The following ROBO2 variants were observed in gnomAD, a reference collection of about 807,000 sequenced individuals.
ROBO2 encodes the protein roundabout guidance receptor 2.
A neutral mutation model predicts 160.8 loss-of-function variants in ROBO2; 53 were observed. The ratio of observed to expected loss-of-function variants is 0.33; its 90% CI spans 0.26 to 0.41. ROBO2 has a LOEUF of 0.41. Ranked by LOEUF, ROBO2 falls within the 10% of genes least tolerant of loss-of-function variation. The pLI is 1.00. For missense variants in ROBO2, 1,577 were observed against 1,722.4 expected, an observed-to-expected ratio of 0.92 and a Z score of 1.49; for synonymous variants, 664 against 611.7, an observed-to-expected ratio of 1.09 and a Z score of -1.26.
At chr3:76,967,362 C>T (rs1475302564) in intron 2 of ROBO2, among the ~76,000 whole-genome samples, 2 of 151,744 alleles carry the variant, frequency 1.3e-5, no homozygotes, top group Non-Finnish European at 2.9e-5. Flanking sequence ...TGTGCAACCA[C>T]GCCCAGCTAA....
intron 2 of ROBO2, among the ~76,000 whole-genome samples, chr3:76,470,122 C>T (rs2078578763): frequency 1.3e-5 from 2 of 152,088 alleles, no homozygotes; most frequent in Non-Finnish European, 2.9e-5. Context: ...ATTCAAATCC[C>T]ATCAAATTTA....
At chr3:76,127,316 G>A (rs1183202606) in intron 2 of ROBO2, among the ~76,000 whole-genome samples, 2 of 152,024 alleles carry the variant, frequency 1.3e-5, no homozygotes, top group Admixed American at 6.6e-5. Context: ...TTCTTTGAGA[G>A]CTACCACATT....
At chr3:76,729,010 C>T (rs1232167871) in intron 2 of ROBO2, among the ~76,000 whole-genome samples, 2 of 151,834 alleles carry the variant, frequency 1.3e-5, no homozygotes, top group Non-Finnish European at 2.9e-5. Flanking sequence ...TTTTTTGGTA[C>T]TTAAAACATC....
chr3:76,209,366 A>G (rs1370529599), intron 2 of ROBO2, among the ~76,000 whole-genome samples: 1 of 152,192 alleles, frequency 6.6e-6, no homozygotes, highest in Non-Finnish European at 1.5e-5. Context: ...TTCATTTTAT[A>G]TTGGTATGAA....
intron 2 of ROBO2, among the ~76,000 whole-genome samples, chr3:76,392,716 G>T (rs1277533496): frequency 6.6e-6 from 1 of 152,148 alleles, no homozygotes; most frequent in Non-Finnish European, 1.5e-5. Context: ...ATAGAAGATA[G>T]ATATGTTAGA....
At chr3:75,919,966 GT>G (rs1435802835) in intron 1 of ROBO2, among the ~76,000 whole-genome samples, 1 of 151,756 alleles carries the variant, frequency 6.6e-6, no homozygotes, top group Non-Finnish European at 1.5e-5. Flanking sequence ...TATCTATTTT[GT>G]TAATCTTTTC....
chr3:76,312,074 T>C (rs2107789480), intron 2 of ROBO2, among the ~76,000 whole-genome samples: 1 of 152,336 alleles, frequency 6.6e-6, no homozygotes, highest in Admixed American at 6.5e-5. Context: ...CGAATGCCAT[T>C]TGTTTATATA....
chr3:75,922,287 G>C (rs1196470223), intron 1 of ROBO2, among the ~76,000 whole-genome samples: 1 of 151,604 alleles, frequency 6.6e-6, no homozygotes, highest in Non-Finnish European at 1.5e-5. Flanking sequence ...AGAATATAAA[G>C]AAAAAATACC....
At chr3:76,092,042 A>G (rs562466771) in intron 2 of ROBO2, among the ~76,000 whole-genome samples, 8 of 152,300 alleles carry the variant, frequency 5.3e-5, no homozygotes, top group African/African-American at 1.9e-4. Flanking sequence ...TAGAATGTAC[A>G]GCATCTAGAG....
At chr3:76,347,293 C>G (rs1470895722) in intron 2 of ROBO2, among the ~76,000 whole-genome samples, 1 of 151,886 alleles carries the variant, frequency 6.6e-6, no homozygotes, top group East Asian at 1.9e-4. Context: ...AACAAACAGC[C>G]AAAAAACTGT....
chr3:76,030,579 A>G (rs2066888540), intron 2 of ROBO2, among the ~76,000 whole-genome samples: 1 of 152,192 alleles, frequency 6.6e-6, no homozygotes, highest in Non-Finnish European at 1.5e-5. Flanking sequence ...TCAGCTTTCT[A>G]CATATGGCTA....
intron 2 of ROBO2, among the ~76,000 whole-genome samples, chr3:76,310,936 C>A (rs1331126498): frequency 6.6e-6 from 1 of 152,192 alleles, no homozygotes; most frequent in African/African-American, 2.4e-5. Context: ...TCATCTTTTT[C>A]ACATAATCCT....
At chr3:76,209,448 A>G (rs1286039635) in intron 2 of ROBO2, among the ~76,000 whole-genome samples, 1 of 152,206 alleles carries the variant, frequency 6.6e-6, no homozygotes, top group Middle Eastern at 3.2e-3. Context: ...AGTACATTAT[A>G]TAAATATCGA....
intron 2 of ROBO2, among the ~76,000 whole-genome samples, chr3:76,459,573 T>C (rs1208003058): frequency 6.6e-6 from 1 of 152,152 alleles, no homozygotes; most frequent in Non-Finnish European, 1.5e-5. Context: ...TTGCGTGGTA[T>C]AGCAAATAGC....
chr3:77,636,768 TA>T (rs1286711060), intron 24 of ROBO2, among the ~76,000 whole-genome samples: 1 of 152,198 alleles, frequency 6.6e-6, no homozygotes, highest in Non-Finnish European at 1.5e-5. Flanking sequence ...AATACTTGCT[TA>T]AACACTGTTA....
intron 2 of ROBO2, among the ~76,000 whole-genome samples, chr3:77,121,568 T>TCTTATTTACTTA (rs2074774093): frequency 6.6e-6 from 1 of 152,134 alleles, no homozygotes; most frequent in Admixed American, 6.5e-5. Flanking sequence ...TTCTCCTATT[T>TCTTATTTACTTA]GAATAAAAGT....
rs564539398 is a variant in ROBO2, at chr3:76,920,243, C to T, written c.110-177771C>T. ...GTATTGAAAGAGAAAATAAATGATACAATATTAATTAGAAAGTGACAAAAA... is the reference window on the plus strand; with the variant it reads ...GTATTGAAAGAGAAAATAAATGATATAATATTAATTAGAAAGTGACAAAAA... On this transcript the variant is annotated intron_variant, in intron 2 of 26. Transcript: ENST00000487694. 4.6e-5 allele frequency among the ~76,000 whole-genome samples: 7 copies of T among 151,838 alleles called. No homozygotes were observed. The East Asian group carries it at 1.4e-3, about 29-fold the overall frequency.
At chr3:76,258,557 G>A (rs1022922641) in intron 2 of ROBO2, among the ~76,000 whole-genome samples, 3 of 151,948 alleles carry the variant, frequency 2.0e-5, no homozygotes, top group African/African-American at 7.2e-5. Flanking sequence ...ATAGCTATCT[G>A]TGGTTATTCA....
chr3:76,132,892 G>A (rs924677237), intron 2 of ROBO2, among the ~76,000 whole-genome samples: 4 of 152,220 alleles, frequency 2.6e-5, no homozygotes, highest in Middle Eastern at 6.8e-3. Flanking sequence ...GGAAGAAAGC[G>A]CAAAGTGAAT....
Sources: allele counts gnomAD v4.1 joint callset (sites outside exome capture counted in the v4.1 genomes callset), GRCh38; gene constraint gnomAD v4.1.1; transcripts MANE v1.5; gene names NCBI Gene and HGNC (gene_info 2026-07-23, HGNC 2026-07-21).